The following APBA2 variants were observed in gnomAD, a reference collection of about 807,000 sequenced individuals.
APBA2 encodes the protein amyloid-beta A4 precursor protein-binding family A member 2.
APBA2 carries 30 observed loss-of-function variants against 75.0 expected under a neutral mutation model. The observed-to-expected ratio is 0.40, with a 90% confidence interval of 0.30 to 0.54. The LOEUF is 0.54. Ranked by LOEUF, APBA2 falls within the 20% of genes least tolerant of loss-of-function variation. APBA2 has a pLI of 0.49. For missense variants in APBA2, 801 were observed against 1,016.1 expected (o/e 0.79, Z 2.88); for synonymous variants, 444 against 409.6 (o/e 1.08, Z -1.01).
intron 2 of APBA2, among the ~76,000 whole-genome samples, chr15:28,938,994 G>A (rs1261170547): frequency 2.6e-5 from 4 of 152,064 alleles, no homozygotes; most frequent in African/African-American, 9.7e-5. Flanking sequence ...TAAATTGTGC[G>A]CATGAAACAG....
chr15:28,949,635 A>G (rs2035743042), intron 2 of APBA2, among the ~76,000 whole-genome samples: 1 of 152,042 alleles, frequency 6.6e-6, no homozygotes, highest in Admixed American at 6.6e-5. Context: ...TGCCTGGCTA[A>G]TTTTTAAATG....
At chr15:29,096,335 G>A (rs2043849896) in intron 8 of APBA2, among the ~76,000 whole-genome samples, 1 of 152,152 alleles carries the variant, frequency 6.6e-6, no homozygotes, top group Admixed American at 6.5e-5. Flanking sequence ...TGGAGGCTGG[G>A]TGGCTTCAGG....
chr15:28,978,775 G>C (rs1488164669), intron 2 of APBA2, among the ~76,000 whole-genome samples: 1 of 152,228 alleles, frequency 6.6e-6, no homozygotes, highest in Non-Finnish European at 1.5e-5. Flanking sequence ...CTGCAGGAGG[G>C]TGGGCACAGA....
At chr15:29,106,903 T>G in intron 12 of APBA2, 84 bp downstream of exon 12, 2 of 1,305,344 alleles carry the variant, frequency 1.5e-6, no homozygotes, top group South Asian at 2.5e-5. Flanking sequence ...CCCACTTCAC[T>G]GCAATCCCCA....
At chr15:28,970,512 T>C in intron 2 of APBA2, 1 of 147,364 alleles carries the variant, frequency 6.8e-6, no homozygotes, top group East Asian at 2.0e-4. Context: ...ACCCTGTCTT[T>C]CTAAAAAAAA....
chr15:29,073,339 G>T (rs944837361), intron 4 of APBA2, among the ~76,000 whole-genome samples: 4 of 152,166 alleles, frequency 2.6e-5, no homozygotes, highest in African/African-American at 9.7e-5. Context: ...TAAGGTGCTA[G>T]GTAAATTAGG....
chr15:28,903,891 C>T (rs36149241), intron 1 of APBA2, among the ~76,000 whole-genome samples: 1 of 152,170 alleles, frequency 6.6e-6, no homozygotes, highest in Admixed American at 6.5e-5. Context: ...TCACTTGTCC[C>T]TGAGGAGGGA....
rs748959948 is a variant in APBA2 at position 29,054,668 on chromosome 15, G to A, written c.784G>A (p.Val262Ile). The part of the protein sequence containing the change: ...HGPEPGPEDS[V>I]EACPPIKASC... ...GCCTGAGCCAGGGCCTGAGGACTCTGTAGAGGCCTGCCCACCCATCAAGGC... is the reference window on the plus strand; with the variant it reads ...GCCTGAGCCAGGGCCTGAGGACTCTATAGAGGCCTGCCCACCCATCAAGGC... Residue 262 changes from valine (V) to isoleucine (I), a missense_variant, in exon 4 of 15, where the codon GTA becomes ATA. Transcript: ENST00000683413. This position sits in a 1 kb window ranked among gnomAD's most constrained non-coding sequence, Gnocchi z 6.1. 6 of 1,614,008 alleles carry A rather than the reference G, an allele frequency of 3.7e-6. No individual in the cohort carries two copies. Among genetic ancestry groups the A allele is most frequent in the Non-Finnish European group, 5.1e-6 (6 of 1,180,044 alleles).
At position 28,938,067 on chromosome 15, in the gene APBA2, TG is replaced by T. The variant is rs1414577974; in HGVS notation, c.-95+16319del. Among the ~76,000 whole-genome samples, 11 of 152,198 alleles carry T rather than the reference TG, an allele frequency of 7.2e-5. 1 individual carries two copies. Among genetic ancestry groups the T allele is most frequent in the Admixed American group, 3.3e-4 (5 of 15,284 alleles). On this transcript the variant is annotated intron_variant, in intron 2 of 14. Transcript: ENST00000683413. ...GTGTGAATGTCCCCAACCCCCCACC[TG>T]ATAAGCAGGTGTCCTGAGGTCATCA...
intron 2 of APBA2, among the ~76,000 whole-genome samples, chr15:28,939,336 CCT>C (rs1425561454): frequency 6.6e-6 from 1 of 152,120 alleles, no homozygotes; most frequent in African/African-American, 2.4e-5. Flanking sequence ...CAGATGTCTC[CCT>C]GAGTCCCTTC....
intron 2 of APBA2, among the ~76,000 whole-genome samples, chr15:28,989,445 T>C (rs2038101708): frequency 6.6e-6 from 1 of 152,200 alleles, no homozygotes; most frequent in Non-Finnish European, 1.5e-5. Context: ...TAATGCAACC[T>C]AGTGTGCTGG....
At chr15:29,087,707 C>T (rs745467189) in intron 6 of APBA2, among the ~76,000 whole-genome samples, 7 of 151,750 alleles carry the variant, frequency 4.6e-5, no homozygotes, top group Admixed American at 6.5e-5. Flanking sequence ...GCCAGTTACA[C>T]GACTCTGATA....
chr15:29,075,243 T>A (rs73370232), intron 5 of APBA2, among the ~76,000 whole-genome samples: 9,886 of 152,210 alleles, frequency 0.065, 859 homozygotes, highest in African/African-American at 0.2. Flanking sequence ...TGGAGTGCTC[T>A]TGTGTTGCAG....
chr15:28,928,605 G>A (rs1436848663), intron 2 of APBA2, among the ~76,000 whole-genome samples: 2 of 152,186 alleles, frequency 1.3e-5, no homozygotes, highest in African/African-American at 2.4e-5. Flanking sequence ...GGAGGCCAGA[G>A]GGGGCTGGAC....
intron 2 of APBA2, among the ~76,000 whole-genome samples, chr15:28,955,808 G>C (rs1287993301): frequency 6.6e-6 from 1 of 152,254 alleles, no homozygotes; most frequent in Non-Finnish European, 1.5e-5. Context: ...TCGGGCCAAG[G>C]CCTTGGGCCA....
At chr15:28,986,038 T>C (rs2037908977) in intron 2 of APBA2, among the ~76,000 whole-genome samples, 2 of 152,162 alleles carry the variant, frequency 1.3e-5, no homozygotes, top group South Asian at 4.1e-4. Flanking sequence ...TTGTTTGGCC[T>C]AAAAAAGTCT....
chr15:29,039,212 C>G (rs2040909346), intron 3 of APBA2, among the ~76,000 whole-genome samples: 1 of 146,710 alleles, frequency 6.8e-6, no homozygotes, highest in Non-Finnish European at 1.5e-5. Flanking sequence ...CAGGGAGATT[C>G]CTGTGAGGGG....
chr15:28,955,906 C>T (rs2036143342), intron 2 of APBA2, among the ~76,000 whole-genome samples: 1 of 152,226 alleles, frequency 6.6e-6, no homozygotes, highest in East Asian at 1.9e-4. Flanking sequence ...GTTGCTTGCT[C>T]CTGCAGGCAG....
At chr15:28,914,212 C>T (rs1391441607) in intron 1 of APBA2, among the ~76,000 whole-genome samples, 3 of 152,130 alleles carry the variant, frequency 2.0e-5, no homozygotes, top group African/African-American at 4.8e-5. Flanking sequence ...GTCAGGCTCC[C>T]CCTGCTCATC....
Sources: gnomAD v4.1 joint callset for allele counts (sites outside exome capture counted in the v4.1 genomes callset) on GRCh38, gnomAD v4.1.1 for gene constraint, Gnocchi (gnomAD v3.1) non-coding constraint, MANE v1.5 for transcripts, NCBI Gene and HGNC (gene_info 2026-07-23, HGNC 2026-07-21) for gene names.